VAC14: variants seen among roughly 807,000 people sequenced by gnomAD.
VAC14 encodes the protein VAC14 component of PIKFYVE complex, also known as protein VAC14 homolog.
Under a neutral mutation model 85.3 loss-of-function variants are expected in VAC14, and 47 were observed. The observed-to-expected ratio is 0.55, with a 90% confidence interval of 0.44 to 0.70. The LOEUF (loss-of-function observed/expected upper bound fraction) is 0.70. VAC14 is among the 30% of genes least tolerant of loss of function. The probability of loss-of-function intolerance (pLI) is 0.00; values close to 1 mark genes in which losing one functional copy is unlikely to be tolerated. For synonymous variants in VAC14, 447 were observed against 430.5 expected (o/e 1.04, Z -0.47); for missense variants, 861 against 1,004.3 (o/e 0.86, Z 1.93).
chr16:70,766,079 G>A (rs2032787137), intron 10 of VAC14, among the ~76,000 whole-genome samples: 1 of 151,492 alleles, frequency 6.6e-6, no homozygotes, highest in Non-Finnish European at 1.5e-5. Flanking sequence ...GCTCCCAGCT[G>A]TCAGCTCACC....
chr16:70,706,655 A>G (rs1203324720), intron 14 of VAC14, among the ~76,000 whole-genome samples: 1 of 152,186 alleles, frequency 6.6e-6, no homozygotes, highest in Admixed American at 6.5e-5. Flanking sequence ...GGCATGTGCC[A>G]CGATACTAGG....
intron 12 of VAC14, among the ~76,000 whole-genome samples, chr16:70,751,121 C>A (rs2031352020): frequency 6.6e-6 from 1 of 152,236 alleles, no homozygotes; most frequent in Non-Finnish European, 1.5e-5. Flanking sequence ...TCACTCTACC[C>A]ACTTATCCTT....
intron 2 of VAC14, 124 bp downstream of exon 2, chr16:70,786,091 A>G: frequency 1.4e-6 from 2 of 1,479,960 alleles, no homozygotes; most frequent in East Asian, 2.3e-5. Context: ...TCAGGTGCGG[A>G]CAGAGTGGTA....
At chr16:70,744,842 C>T (rs780236547) in intron 12 of VAC14, among the ~76,000 whole-genome samples, 1 of 152,208 alleles carries the variant, frequency 6.6e-6, no homozygotes, top group Non-Finnish European at 1.5e-5. Flanking sequence ...GGAGAGTCAG[C>T]TTCCCCACGA....
intron 18 of VAC14, 34 bp downstream of exon 18, chr16:70,692,787 G>C (rs2053623651): frequency 1.9e-6 from 3 of 1,581,026 alleles, no homozygotes; most frequent in Admixed American, 1.9e-5. Flanking sequence ...CCCTGCTCAG[G>C]GGGCGGGGGC....
At chr16:70,749,894 T>C (rs1325549501) in intron 12 of VAC14, among the ~76,000 whole-genome samples, 1 of 152,188 alleles carries the variant, frequency 6.6e-6, no homozygotes, top group Admixed American at 6.5e-5. Flanking sequence ...AGAGAGGCCC[T>C]GGTGAGAGGA....
intron 12 of VAC14, among the ~76,000 whole-genome samples, chr16:70,745,482 A>AGT (rs145054065): frequency 0.41 from 58,307 of 143,704 alleles, 12,585 homozygotes; most frequent in Admixed American, 0.52. Context: ...GAGGGGCTTC[A>AGT]GTGTGTGTGT....
intron 13 of VAC14, among the ~76,000 whole-genome samples, chr16:70,739,650 G>C (rs1435298818): frequency 6.6e-6 from 1 of 152,198 alleles, no homozygotes; most frequent in Non-Finnish European, 1.5e-5. Context: ...GAGGACCCCA[G>C]GGGCTCACCC....
chr16:70,757,756 C>T (rs1186566649), intron 12 of VAC14, among the ~76,000 whole-genome samples: 6 of 152,204 alleles, frequency 3.9e-5, no homozygotes, highest in Non-Finnish European at 8.8e-5. Flanking sequence ...CCTCCTGCAT[C>T]GGAGGAGCTA....
chr16:70,784,281 G>T (rs1158887990), intron 4 of VAC14, 61 bp from the exon 5 acceptor site: 52 of 1,420,294 alleles, frequency 3.7e-5, no homozygotes, highest in Non-Finnish European at 4.8e-5. Flanking sequence ...TGACCTCGCT[G>T]AATCACTTGC....
intron 18 of VAC14, chr16:70,691,661 C>A (rs1244310593): frequency 6.1e-6 from 6 of 985,346 alleles, no homozygotes; most frequent in Non-Finnish European, 6.0e-6. Flanking sequence ...GCACTGCCTT[C>A]TGGGGAAATG....
intron 16 of VAC14, chr16:70,695,866 G>T (rs943924046): frequency 2.4e-6 from 1 of 416,964 alleles, no homozygotes; most frequent in Non-Finnish European, 4.4e-6. Flanking sequence ...CACCCTCCCG[G>T]GCTGGGAGAG....
chr16:70,701,757 T>C (rs535874359), intron 14 of VAC14, among the ~76,000 whole-genome samples: 3 of 152,316 alleles, frequency 2.0e-5, no homozygotes, highest in Non-Finnish European at 2.9e-5. Context: ...CCTCGGCCTA[T>C]AGGGTCTCAC....
intron 9 of VAC14, among the ~76,000 whole-genome samples, chr16:70,780,456 T>G (rs1249467027): frequency 6.6e-6 from 1 of 152,046 alleles, no homozygotes; most frequent in African/African-American, 2.4e-5. Flanking sequence ...CTCTTTCCCG[T>G]GAATCCAGGA....
At chr16:70,739,338 C>T (rs1484283970) in intron 13 of VAC14, among the ~76,000 whole-genome samples, 1 of 152,144 alleles carries the variant, frequency 6.6e-6, no homozygotes, top group African/African-American at 2.4e-5. Flanking sequence ...CAGGTGCTTT[C>T]CTGGGGCTGG....
chr16:70,785,664 A>G, intron 3 of VAC14, 38 bp downstream of exon 3: 2 of 1,524,362 alleles, frequency 1.3e-6, no homozygotes, highest in Non-Finnish European at 1.8e-6. Flanking sequence ...TGGGGGAACC[A>G]AGCGCAGCTC....
intron 14 of VAC14, among the ~76,000 whole-genome samples, chr16:70,702,551 C>A (rs572100343): frequency 2.2e-4 from 33 of 152,282 alleles, no homozygotes; most frequent in Admixed American, 7.8e-4. Flanking sequence ...GAGGATGACT[C>A]CCATCCTACT....
Position 70,781,420 on chromosome 16 carries a change from C to T in VAC14, c.946+449G>A, listed in dbSNP as rs142278388. ...CCAGCCAGGGGAGGCTTCTCTGAAC[C>T]TCGTATTCCTAGTCTGGAGCTCAGT... On this transcript the variant is annotated intron_variant, in intron 8 of 18. Coordinates refer to ENST00000261776, the MANE Select transcript of VAC14 (RefSeq NM_018052.5). 3.4e-3 allele frequency among the ~76,000 whole-genome samples: 524 copies of T among 152,340 alleles called. 3 individuals are homozygous for T. Among genetic ancestry groups the T allele is most frequent in the African/African-American group, 0.012 (487 of 41,564 alleles).
At chr16:70,747,789 GAGA>G (rs1368124192) in intron 12 of VAC14, 1 of 152,394 alleles carries the variant, frequency 6.6e-6, no homozygotes, top group Non-Finnish European at 1.5e-5. Flanking sequence ...GGAAAGTGAG[GAGA>G]AAGTGTGATC....
Sources: gnomAD v4.1 joint callset for allele counts (sites outside exome capture counted in the v4.1 genomes callset) on GRCh38, gnomAD v4.1.1 for gene constraint, MANE v1.5 for transcripts, NCBI Gene and HGNC (gene_info 2026-07-23, HGNC 2026-07-21) for gene names.